Variants in TTN observed in about 807,000 individuals in gnomAD.
TTN encodes titin.
In TTN, 1,525 loss-of-function variants were observed where a neutral mutation model predicts 3,223.0. The ratio of observed to expected loss-of-function variants is 0.47; its 90% CI spans 0.45 to 0.49. TTN has a LOEUF of 0.49. Ranked by LOEUF, TTN falls within the 20% of genes least tolerant of loss-of-function variation. The pLI is 0.00. For missense variants in TTN, 40,786 were observed against 43,424.0 expected (o/e 0.94, Z 5.40); for synonymous variants, 14,094 against 15,161.0 (o/e 0.93, Z 5.17).
In TTN at chr2:178,572,127, CTG is replaced by C; in HGVS notation, c.74003_74004del (p.Thr24668SerfsTer5). The C allele has an allele frequency of 6.2e-7, 1 of 1,613,270 alleles. No individual in the cohort carries two copies. The highest frequency in any genetic ancestry group is 1.3e-5 in the African/African-American group (1 of 75,010). ...GTGATAGTGGCTTCAGTGACCTTGA[CTG>C]TGGCACACGTGGCCCATTTGTCACT... ...KGSDKWATCATVKVTEATITG... is the reference protein window; with the variant it reads ...KGSDKWATCAXVKVTEATITG... On this transcript the variant is annotated frameshift_variant, in exon 326 of 363. Coordinates refer to ENST00000589042, the MANE Select transcript of TTN (RefSeq NM_001267550.2). LOFTEE classifies it high-confidence loss of function.
At position 178,780,049 on chromosome 2, in the gene TTN, T is replaced by C. The variant is rs541811273; in HGVS notation, c.3680A>G (p.Lys1227Arg). The C allele has an allele frequency of 9.9e-6, 16 of 1,613,534 alleles. No individual in the cohort carries two copies. In the Admixed American group the frequency reaches 2.7e-4, roughly 27 times the overall value. ...CACTACAGTATCTTTGGCCATTTTC[T>C]TCCTAATTAAGGCTTGTTCTTTTTC... The part of the protein sequence containing the change: ...EYEKEQALIR[K>R]KMAKDTVVVR... The change falls in exon 22 of 363, where the codon AAG (lysine) becomes AGG (arginine). Residue 1227 changes from lysine (K) to arginine (R), a missense_variant. By Grantham distance (26) the Lys-to-Arg change is conservative. Coordinates refer to ENST00000589042, the MANE Select transcript of TTN (RefSeq NM_001267550.2).
intron 239 of TTN, among the ~76,000 whole-genome samples, chr2:178,629,672 G>A (rs752776048): frequency 1.6e-4 from 25 of 152,092 alleles, no homozygotes; most frequent in Admixed American, 3.3e-4. Context: ...CAAGGTCAGC[G>A]AGAAATCTGT....
chr2:178,792,866 C>T (rs953183749), intron 9 of TTN, among the ~76,000 whole-genome samples: 4 of 152,228 alleles, frequency 2.6e-5, no homozygotes, highest in Admixed American at 6.5e-5. Context: ...GCTCTACTAA[C>T]TGGCATTTTC....
chr2:178,778,416 CAAAA>C, intron 24 of TTN: 1 of 225,258 alleles, frequency 4.4e-6, no homozygotes. Context: ...AATTTGGAAA[CAAAA>C]CAAAGCAAAA....
At position 178,601,379 on chromosome 2, in the gene TTN, C is replaced by A. The variant is rs2053409641; in HGVS notation, c.55618G>T (p.Val18540Leu). Residue 18540 changes from valine (V) to leucine (L), a missense_variant, in exon 287 of 363, where the codon GTG becomes TTG. Physicochemically the swap from Val to Leu is conservative, Grantham distance 32. Transcript: ENST00000589042. ...TGCTGTTCAGAGAGGAGATCAGGCA[C>A]TACAAATGTGGTGCTTCCACAGTCT... ...NPDCGSTTFV[V>L]PDLLSEQQYF... The A allele has an allele frequency of 1.2e-6, 2 of 1,612,760 alleles. No homozygotes were observed. Among genetic ancestry groups the A allele is most frequent in the Non-Finnish European group, 1.7e-6 (2 of 1,179,292 alleles).
intron 22 of TTN, 109 bp from the exon 23 acceptor site, chr2:178,779,571 T>C (rs2092581086): frequency 1.3e-6 from 1 of 760,530 alleles, no homozygotes; most frequent in East Asian, 2.7e-5. Flanking sequence ...GGGAGAAGAA[T>C]CTAGAGGACT....
intron 140 of TTN, 46 bp downstream of exon 140, chr2:178,679,848 C>A: frequency 6.2e-7 from 1 of 1,604,414 alleles, no homozygotes; most frequent in Non-Finnish European, 8.5e-7. Flanking sequence ...GACCCCCAAA[C>A]TCCAAAGATG....
In TTN at chr2:178,575,507, A is replaced by G. The variant is rs727503570; in HGVS notation, c.70625T>C (p.Met23542Thr). 2 of 1,613,642 alleles carry G rather than the reference A, an allele frequency of 1.2e-6. No homozygotes were observed. The highest frequency in any genetic ancestry group is 1.3e-5 in the African/African-American group (1 of 75,000). ...GCTGACGGTGCTCTTAGTTATGTCC[A>G]TGATGTTAAGGCTGTCTGGTGGAGA... Reference protein sequence around the residue: ...APSPPDSLNIMDITKSTVSLA... With the variant: ...APSPPDSLNITDITKSTVSLA... Residue 23542 changes from methionine (M) to threonine (T), a missense_variant, in exon 326 of 363, where the codon ATG becomes ACG. Physicochemically the swap from Met to Thr is moderately conservative, Grantham distance 81 (BLOSUM62 -1). Transcript: ENST00000589042. This position sits in a 1 kb window ranked among gnomAD's most constrained non-coding sequence, Gnocchi z 4.0.
chr2:178,574,615 G>C lies in TTN; in HGVS notation c.71517C>G (p.Thr23839=). The change falls in exon 326 of 363, where the codon ACC becomes ACG. Residue 23839 remains threonine, a synonymous_variant. Transcript: ENST00000589042. The part of the protein sequence containing the change: ...PPGTPQVTAV[T]KDSMTISWHE... ...GCCAGCTAATTGTCATTGAATCCTT[G>C]GTAACTGCAGTTACCTGAGGGGTAC... is the stretch of plus-strand genomic sequence containing the variant. 1 of 1,613,112 alleles carries C rather than the reference G, an allele frequency of 6.2e-7. No homozygotes were observed. The highest frequency in any genetic ancestry group is 8.5e-7 in the Non-Finnish European group (1 of 1,179,446).
chr2:178,576,529 A>G lies in TTN; in HGVS notation c.69715T>C (p.Tyr23239His), dbSNP rs776166293. The G allele has an allele frequency of 7.4e-6, 12 of 1,612,436 alleles. No individual in the cohort carries two copies. The African/African-American group carries it at 1.3e-4, about 18-fold the overall frequency. ...SDSVLMKDAAYPPGPPSNPHV... is the reference protein window; with the variant it reads ...SDSVLMKDAAHPPGPPSNPHV... The stretch of plus-strand genomic sequence containing the variant: ...GGTGTTGAAAAAGACAAATACTAAC[A>G]TGCTGCATCTTTCATCAGAACAGAA... Residue 23239 changes from tyrosine (Y) to histidine (H), a missense_variant and splice_region_variant, in exon 325 of 363, where the codon TAT becomes CAT. Tyr to His is a moderately conservative substitution (Grantham distance 83). Coordinates refer to ENST00000589042, the MANE Select transcript of TTN (RefSeq NM_001267550.2). The surrounding 1 kb of genome is among the most constrained non-coding windows in gnomAD (Gnocchi z 4.3).
chr2:178,548,861 G>A lies in TTN; in HGVS notation c.92765C>T (p.Ala30922Val), dbSNP rs756786292. ...GTTTGCATCTATGTCTAACTCAGGA[G>A]CTGTTAACCGGTCAACTGCTTTAAT... ...GTIKAVDRLT[A>V]PELDIDANFK... is the part of the protein sequence containing the mutation. The change falls in exon 339 of 363, where the codon GCT (alanine) becomes GTT (valine). Residue 30922 changes from alanine (A) to valine (V), a missense_variant. Ala to Val is a moderately conservative substitution (Grantham distance 64). Coordinates refer to ENST00000589042, the MANE Select transcript of TTN (RefSeq NM_001267550.2). The surrounding 1 kb of genome is among the most constrained non-coding windows in gnomAD (Gnocchi z 4.3). The A allele has an allele frequency of 1.1e-5, 18 of 1,613,412 alleles. No individual in the cohort carries two copies. The highest frequency in any genetic ancestry group is 1.7e-5 in the Admixed American group (1 of 59,988).
At position 178,741,088 on chromosome 2, in the gene TTN, G is replaced by A. The variant is rs201888760; in HGVS notation, c.12145C>T (p.Pro4049Ser). The change falls in exon 48 of 363, where the codon CCT (proline) becomes TCT (serine). Residue 4049 changes from proline (P) to serine (S), a missense_variant. Physicochemically the swap from Pro to Ser is moderately conservative, Grantham distance 74. Coordinates refer to ENST00000589042, the MANE Select transcript of TTN (RefSeq NM_001267550.2). Reference protein sequence around the residue: ...PCKAKSTPEAPEDFPQTPLKG... With the variant: ...PCKAKSTPEASEDFPQTPLKG... ...AAGGGTGTCTGTGGAAAATCCTCAG[G>A]AGCCTCTGGTGTGGACTTTGCTTTG... The A allele has an allele frequency of 2.9e-4, 472 of 1,613,880 alleles. 2 individuals carry two copies. The Middle Eastern group carries it at 4.5e-3, about 15-fold the overall frequency.
intron 127 of TTN, among the ~76,000 whole-genome samples, chr2:178,686,399 C>G (rs1351545708): frequency 6.8e-6 from 1 of 146,736 alleles, no homozygotes; most frequent in Non-Finnish European, 1.5e-5. Context: ...GGATTACAGG[C>G]GTGAGCCACC....
At chr2:178,698,043 A>C (rs554811221) in intron 112 of TTN, among the ~76,000 whole-genome samples, 1 of 152,262 alleles carries the variant, frequency 6.6e-6, no homozygotes, top group Non-Finnish European at 1.5e-5. Flanking sequence ...ATAAATACAC[A>C]ATGGAATACT....
rs755848019 is a variant in TTN, at chr2:178,599,220, C to T, written c.56573G>A (p.Arg18858Gln). ...GCCATATTTATTCTGGGCCATGATTCGGAATACATATTCATGGCCTTCTAG... is the reference window on the plus strand; with the variant it reads ...GCCATATTTATTCTGGGCCATGATTTGGAATACATATTCATGGCCTTCTAG... ...KLLEGHEYVF[R>Q]IMAQNKYGIG... The change falls in exon 290 of 363, where the codon CGA (arginine) becomes CAA (glutamine). Residue 18858 changes from arginine to glutamine, a missense_variant. Physicochemically the swap from Arg to Gln is conservative, Grantham distance 43 (BLOSUM62 1). Transcript: ENST00000589042. 106 of 1,528,934 alleles carry T rather than the reference C, an allele frequency of 6.9e-5. No homozygotes were observed. The highest frequency in any genetic ancestry group is 1.4e-4 in the South Asian group (10 of 73,230). The allele number at this position is 1,528,934 out of a possible 1,614,324, so 94.7% of individuals were successfully genotyped here. A position where few individuals can be genotyped will look rare whatever the true frequency, so the allele number is the denominator to read the frequency against.
intron 321 of TTN, 106 bp from the exon 322 acceptor site, chr2:178,578,291 T>A (rs1163210009): frequency 9.7e-7 from 1 of 1,035,730 alleles, no homozygotes; most frequent in South Asian, 1.7e-5. Flanking sequence ...GAACAAGTAG[T>A]CATTCTTGCT....
Position 178,534,484 on chromosome 2 carries a change from A to G in TTN, c.102131T>C (p.Ile34044Thr), listed in dbSNP as rs1349271119. The G allele has an allele frequency of 1.2e-6, 2 of 1,613,736 alleles. No homozygotes were observed. The highest frequency in any genetic ancestry group is 1.3e-5 in the African/African-American group (1 of 75,048). Residue 34044 changes from isoleucine (I) to threonine (T), a missense_variant, in exon 358 of 363, where the codon ATT becomes ACT. Physicochemically the swap from Ile to Thr is moderately conservative, Grantham distance 89. Coordinates refer to ENST00000589042, the MANE Select transcript of TTN (RefSeq NM_001267550.2). The part of the protein sequence containing the change: ...FDEEAFKEIS[I>T]EAMDFVDRLL... ...CCGGTCAACAAAATCCATGGCTTCA[A>G]TGCTAATCTCTTTGAATGCTTCCTC...
chr2:178,632,315 C>T lies in TTN; in HGVS notation c.43579G>A (p.Val14527Ile), dbSNP rs1358591664. The T allele has an allele frequency of 6.2e-6, 10 of 1,608,256 alleles. No individual in the cohort carries two copies. Among genetic ancestry groups the T allele is most frequent in the Non-Finnish European group, 7.6e-6 (9 of 1,177,280 alleles). Reference protein sequence around the residue: ...TVELSHDNIRVKWFKNDQRLH... With the variant: ...TVELSHDNIRIKWFKNDQRLH... ...CGCTGGTCATTCTTGAACCATTTAA[C>T]TCGGATGTTATCATGAGATAACTCC... is the stretch of plus-strand genomic sequence containing the variant. The change falls in exon 236 of 363, where the codon GTT becomes ATT. Residue 14527 changes from valine (V) to isoleucine (I), a missense_variant. Coordinates refer to ENST00000589042, the MANE Select transcript of TTN (RefSeq NM_001267550.2).
Position 178,727,442 on chromosome 2 carries a change from C to T in TTN, c.19994-71G>A, listed in dbSNP as rs929030010. ...AACAATAGTTAAATTAGATAGTATA[C>T]AGGCAAGAGAAAAACATGAGCAAAT... On this transcript the variant is annotated intron_variant, in intron 68 of 362. Transcript: ENST00000589042. 1.2e-5 allele frequency: 18 copies of T among 1,508,364 alleles called. No homozygotes were observed. The African/African-American group carries it at 1.8e-4, about 15-fold the overall frequency. The allele number at this position is 1,508,364 out of a possible 1,614,324, so 93.4% of individuals were successfully genotyped here. A position where few individuals can be genotyped will look rare whatever the true frequency, so the allele number is the denominator to read the frequency against.
Sources: allele counts gnomAD v4.1 joint callset (sites outside exome capture counted in the v4.1 genomes callset), GRCh38; gene constraint gnomAD v4.1.1; non-coding constraint Gnocchi (gnomAD v3.1); transcripts MANE v1.5; gene names NCBI Gene and HGNC (gene_info 2026-07-23, HGNC 2026-07-21).